SARNP: variants seen among roughly 807,000 people sequenced by gnomAD.
The protein encoded by SARNP is SAP domain containing ribonucleoprotein.
In SARNP, 5 loss-of-function variants were observed where a neutral mutation model predicts 38.1. The observed-to-expected ratio is 0.13, with a 90% CI of 0.07 to 0.28. The LOEUF (loss-of-function observed/expected upper bound fraction) is 0.28. SARNP is among the 10% of genes least tolerant of loss of function. The probability of loss-of-function intolerance (pLI) is 1.00; values close to 1 mark genes in which losing one functional copy is unlikely to be tolerated. For missense variants in SARNP, 180 were observed against 243.9 expected, an observed-to-expected ratio of 0.74 and a Z score of 1.75; for synonymous variants, 84 against 80.6, an observed-to-expected ratio of 1.04 and a Z score of -0.23.
rs745905837 is a variant in SARNP at position 55,817,696 on chromosome 12, C to A, written c.6G>T (p.Ala2=). Residue 2 remains alanine (A), a synonymous_variant, in exon 1 of 11, where the codon GCG becomes GCT. Coordinates refer to ENST00000336133, the MANE Select transcript of SARNP (RefSeq NM_033082.4). M[A]TETVELHKLK... is the part of the protein sequence containing the mutation. ...GCTTATGGAGCTCCACCGTCTCGGT[C>A]GCCATCTTGTTACCCCTCACTCCAC... 9.9e-6 allele frequency: 16 copies of A among 1,613,046 alleles called. No homozygotes were observed. The highest frequency in any genetic ancestry group is 4.2e-6 in the Non-Finnish European group (5 of 1,179,626).
downstream of SARNP, chr12:55,756,221 G>A (rs1878501643): frequency 6.6e-6 from 1 of 152,204 alleles, no homozygotes; most frequent in Admixed American, 6.5e-5. Context: ...TTTGGTTGAA[G>A]AGGTGTCAAA....
chr12:55,786,560 C>T (rs1879502251), intron 9 of SARNP, among the ~76,000 whole-genome samples: 1 of 152,224 alleles, frequency 6.6e-6, no homozygotes, highest in South Asian at 2.1e-4. Context: ...AGCGATTCTC[C>T]TGCCTCAGCC....
chr12:55,760,960 C>G (rs1388934622), intron 9 of SARNP, among the ~76,000 whole-genome samples: 2 of 151,902 alleles, frequency 1.3e-5, no homozygotes, highest in African/African-American at 4.8e-5. Context: ...GTGGATCAGG[C>G]AGTCAGGAGT....
intron 9 of SARNP, among the ~76,000 whole-genome samples, chr12:55,772,856 A>G (rs1879050585): frequency 6.6e-6 from 1 of 151,922 alleles, no homozygotes; most frequent in South Asian, 2.1e-4. Flanking sequence ...CTGGGATTAC[A>G]GGCACGCAAC....
intron 2 of SARNP, among the ~76,000 whole-genome samples, 171 bp from the exon 3 acceptor site, chr12:55,801,071 C>T (rs1467713239): frequency 6.6e-6 from 1 of 152,182 alleles, no homozygotes; most frequent in Admixed American, 6.5e-5. Flanking sequence ...CAGATTTCTA[C>T]CTAACATTAA....
At chr12:55,759,443 T>C (rs986650395) in intron 10 of SARNP, among the ~76,000 whole-genome samples, 2 of 150,776 alleles carry the variant, frequency 1.3e-5, no homozygotes, top group Admixed American at 6.6e-5. Context: ...TGAGAGCAAG[T>C]CTCACTCTGT....
intron 4 of SARNP, among the ~76,000 whole-genome samples, chr12:55,799,559 C>T (rs377507191): frequency 1.8e-5 from 2 of 112,234 alleles, no homozygotes; most frequent in African/African-American, 3.5e-5. Flanking sequence ...GAGTGTCACA[C>T]TTTTTTTTTT....
Position 55,774,569 on chromosome 12 carries a change from A to C in SARNP, c.502-13929T>G, listed in dbSNP as rs1183108614. Among the ~76,000 whole-genome samples the C allele has an allele frequency of 1.6e-3, 130 of 82,348 alleles. 7 individuals are homozygous for C. The highest frequency in any genetic ancestry group is 7.7e-3 in the African/African-American group (116 of 15,158). The allele number at this position is 82,348 out of a possible 152,430, so 54.0% of individuals were successfully genotyped here. A position where few individuals can be genotyped will look rare whatever the true frequency, so the allele number is the denominator to read the frequency against. On this transcript the variant is annotated intron_variant, in intron 9 of 10. Transcript: ENST00000336133. ...AACCCCGTCTCTACTGAAAAAAAAA[A>C]AAAAACAAACAAAAAAAAAAAAACA...
rs577703243 is a variant in SARNP, at chr12:55,764,764, G to A, written c.502-4124C>T. Among the ~76,000 whole-genome samples the A allele has an allele frequency of 2.0e-3, 297 of 149,812 alleles. 2 individuals carry two copies. The highest frequency in any genetic ancestry group is 6.4e-3 in the Admixed American group (96 of 15,006). ...GGAGAATCACTTGAACCCGAGAGGCGGAGGTTGCAGGGAGCCAAGATCACG... is the reference window on the plus strand; with the variant it reads ...GGAGAATCACTTGAACCCGAGAGGCAGAGGTTGCAGGGAGCCAAGATCACG... On this transcript the variant is annotated intron_variant, in intron 9 of 10. Transcript: ENST00000336133.
intron 9 of SARNP, among the ~76,000 whole-genome samples, chr12:55,768,632 C>T (rs1878917179): frequency 1.3e-5 from 2 of 149,648 alleles, no homozygotes; most frequent in African/African-American, 4.9e-5. Flanking sequence ...TTCACCAAGT[C>T]AGCCAGGCTG....
chr12:55,817,447 GA>G (rs1318926343), intron 1 of SARNP, among the ~76,000 whole-genome samples: 1 of 152,188 alleles, frequency 6.6e-6, no homozygotes, highest in Non-Finnish European at 1.5e-5. Flanking sequence ...AATGATGAAG[GA>G]AGCAGAAATA....
At chr12:55,799,572 T>TTTTTTC (rs1879919126) in intron 4 of SARNP, among the ~76,000 whole-genome samples, 2 of 143,280 alleles carry the variant, frequency 1.4e-5, no homozygotes, top group South Asian at 2.3e-4. Context: ...TTTTTTTTTT[T>TTTTTTC]TTTCCCGAGA....
intron 1 of SARNP, among the ~76,000 whole-genome samples, chr12:55,814,248 G>A (rs1183521283): frequency 1.3e-5 from 2 of 152,184 alleles, no homozygotes; most frequent in African/African-American, 2.4e-5. Context: ...ATCACATCAA[G>A]CTCCTCCTTT....
chr12:55,770,239 T>C (rs970419497), intron 9 of SARNP, among the ~76,000 whole-genome samples: 1 of 151,292 alleles, frequency 6.6e-6, no homozygotes, highest in Non-Finnish European at 1.5e-5. Flanking sequence ...TTTTTTTTTT[T>C]TTTTGAGATG....
downstream of SARNP, chr12:55,757,261 AAC>A (rs1001542389): frequency 2.9e-5 from 10 of 349,370 alleles, no homozygotes; most frequent in Non-Finnish European, 4.2e-5. Flanking sequence ...CACCTAATAA[AAC>A]ACATTGTTCT....
intron 1 of SARNP, among the ~76,000 whole-genome samples, chr12:55,804,395 T>TA (rs1314263704): frequency 1.4e-5 from 2 of 144,854 alleles, no homozygotes; most frequent in Non-Finnish European, 3.0e-5. Context: ...TAACTAAGCT[T>TA]AAAAAATGCA....
chr12:55,774,583 A>C lies in SARNP; in HGVS notation c.502-13943T>G, dbSNP rs576510396. The stretch of plus-strand genomic sequence containing the variant: ...TGAAAAAAAAAAAAAAACAAACAAA[A>C]AAAAAAAAACAAAAATTAGCCAGGT... On this transcript the variant is annotated intron_variant, in intron 9 of 10. Coordinates refer to ENST00000336133, the MANE Select transcript of SARNP (RefSeq NM_033082.4). 3.7e-4 allele frequency among the ~76,000 whole-genome samples: 55 copies of C among 148,730 alleles called. 1 individual carries two copies. Among genetic ancestry groups the C allele is most frequent in the Non-Finnish European group, 5.0e-4 (34 of 67,438 alleles).
intron 8 of SARNP, among the ~76,000 whole-genome samples, chr12:55,789,475 A>G (rs1592570790): frequency 6.6e-6 from 1 of 152,192 alleles, no homozygotes; most frequent in East Asian, 1.9e-4. Flanking sequence ...TTCACAATCC[A>G]AAATCATTAA....
rs1035597805 is a variant in SARNP at position 55,816,205 on chromosome 12, T to C, written c.36+1461A>G. ...TGACTTACTCCAGGGATTTCAAAAA[T>C]AGGACAAATAGGAAGAAAATATTAG... On this transcript the variant is annotated intron_variant, in intron 1 of 10. Coordinates refer to ENST00000336133, the MANE Select transcript of SARNP (RefSeq NM_033082.4). Among the ~76,000 whole-genome samples the C allele has an allele frequency of 2.6e-5, 4 of 152,350 alleles. No individual in the cohort carries two copies. The East Asian group carries it at 5.8e-4, about 22-fold the overall frequency.
Sources: allele counts gnomAD v4.1 joint callset (sites outside exome capture counted in the v4.1 genomes callset), GRCh38; gene constraint gnomAD v4.1.1; transcripts MANE v1.5; gene names NCBI Gene and HGNC (gene_info 2026-07-23, HGNC 2026-07-21).